The following TENT4B variants were observed in gnomAD, a reference collection of about 807,000 sequenced individuals.
TENT4B encodes the protein terminal nucleotidyltransferase 4B, also known as PAP associated domain containing 5.
In TENT4B, 10 loss-of-function variants were observed where a neutral mutation model predicts 75.0. That is an observed-to-expected ratio of 0.13 (90% CI 0.08 to 0.23). TENT4B has a LOEUF of 0.23. Among genes scored for constraint, TENT4B ranks in the 10% least tolerant of loss-of-function variants. The pLI is 1.00. For synonymous variants in TENT4B, 350 were observed against 357.7 expected (o/e 0.98, Z 0.24); for missense variants, 579 against 893.8 (o/e 0.65, Z 4.49).
chr16:50,158,980 A>T (rs1036115109), intron 1 of TENT4B, among the ~76,000 whole-genome samples: 1 of 152,118 alleles, frequency 6.6e-6, no homozygotes, highest in Non-Finnish European at 1.5e-5. Context: ...GGCCAGAAGG[A>T]CTATTGGTTT....
At chr16:50,229,010 C>T (rs2150753090) in intron 11 of TENT4B, 142 bp from the exon 12 acceptor site, 1 of 1,452,570 alleles carries the variant, frequency 6.9e-7, no homozygotes, top group Non-Finnish European at 9.1e-7. Context: ...TTTTTCTGCC[C>T]ACTAGATAAG....
chr16:50,159,936 C>A (rs868186935), intron 1 of TENT4B, among the ~76,000 whole-genome samples: 1 of 151,742 alleles, frequency 6.6e-6, no homozygotes. Context: ...TCTTGCTATG[C>A]CACCCAGGCT....
At position 50,214,580 on chromosome 16, in the gene TENT4B, C is replaced by T. The variant is rs148033821; in HGVS notation, c.809+313C>T. 9.7e-3 allele frequency among the ~76,000 whole-genome samples: 1,475 copies of T among 152,170 alleles called. 10 individuals are homozygous for T. The highest frequency in any genetic ancestry group is 0.016 in the Admixed American group (239 of 15,274). On this transcript the variant is annotated intron_variant, in intron 3 of 11. Coordinates refer to ENST00000561678, the MANE Select transcript of TENT4B (RefSeq NM_001365324.3). Reference sequence around the variant, plus strand: ...CTGAGGCAGGAGAATTGCTTGAACCCGGGAGGTGAAGGTTGCAGTGAGCCG... The same window carrying T: ...CTGAGGCAGGAGAATTGCTTGAACCTGGGAGGTGAAGGTTGCAGTGAGCCG...
chr16:50,160,934 C>T (rs1010077387), intron 1 of TENT4B, among the ~76,000 whole-genome samples: 1 of 152,138 alleles, frequency 6.6e-6, no homozygotes, highest in South Asian at 2.1e-4. Flanking sequence ...ATAGAGTAAT[C>T]TTGAAGGGGC....
intron 1 of TENT4B, among the ~76,000 whole-genome samples, chr16:50,172,685 TTA>T (rs1157932207): frequency 2.0e-5 from 3 of 152,102 alleles, no homozygotes; most frequent in African/African-American, 7.2e-5. Flanking sequence ...GTAATTTACT[TTA>T]GAGTTCACTC....
At position 50,231,238 on chromosome 16, in the gene TENT4B, T is replaced by G. The variant is rs1412377007; in HGVS notation, c.*1910T>G. The G allele has an allele frequency of 1.0e-6, 1 of 985,258 alleles. No homozygotes were observed. Among genetic ancestry groups the G allele is most frequent in the Admixed American group, 6.2e-5 (1 of 16,258 alleles). 61.0% of individuals were successfully genotyped at this position (985,258 alleles called of 1,614,324 possible). A position where few individuals can be genotyped will look rare whatever the true frequency, so the allele number is the denominator to read the frequency against. On this transcript the variant is annotated 3_prime_UTR_variant, in exon 12 of 12. Coordinates refer to ENST00000561678, the MANE Select transcript of TENT4B (RefSeq NM_001365324.3). ...TCACATTTTATTCTGATCAGAATTT[T>G]TATTGAGATGTTGAGCTTTTGTTTT...
chr16:50,207,154 G>T (rs2031027265), intron 1 of TENT4B, among the ~76,000 whole-genome samples: 1 of 150,786 alleles, frequency 6.6e-6, no homozygotes, highest in African/African-American at 2.4e-5. Flanking sequence ...TTTGTGAACA[G>T]GGATCTTGTT....
chr16:50,199,274 A>G (rs933753949), intron 1 of TENT4B, among the ~76,000 whole-genome samples: 5 of 152,250 alleles, frequency 3.3e-5, no homozygotes, highest in Admixed American at 2.6e-4. Context: ...GGGGCCACGC[A>G]TGGCTGTTCC....
chr16:50,205,168 A>G (rs1171562222), intron 1 of TENT4B, among the ~76,000 whole-genome samples: 1 of 152,106 alleles, frequency 6.6e-6, no homozygotes, highest in Non-Finnish European at 1.5e-5. Context: ...GGATGTGATC[A>G]CTGTTAACAG....
At chr16:50,224,393 T>A (rs940644389) in intron 7 of TENT4B, among the ~76,000 whole-genome samples, 2 of 152,204 alleles carry the variant, frequency 1.3e-5, no homozygotes, top group African/African-American at 4.8e-5. Context: ...ATTTCTTTTG[T>A]TTGCATAACT....
At chr16:50,187,359 G>C (rs1307381388) in intron 1 of TENT4B, among the ~76,000 whole-genome samples, 1 of 152,222 alleles carries the variant, frequency 6.6e-6, no homozygotes, top group African/African-American at 2.4e-5. Context: ...GAGGCGGATG[G>C]ATCACCTGAG....
At chr16:50,178,977 T>C (rs865872657) in intron 1 of TENT4B, among the ~76,000 whole-genome samples, 1 of 152,318 alleles carries the variant, frequency 6.6e-6, no homozygotes, top group South Asian at 2.1e-4. Flanking sequence ...ATGTTACATA[T>C]GTTTTACAAC....
chr16:50,163,288 C>T (rs1226063869), intron 1 of TENT4B, among the ~76,000 whole-genome samples: 1 of 151,888 alleles, frequency 6.6e-6, no homozygotes, highest in Admixed American at 6.6e-5. Context: ...ATTTTAGTGT[C>T]CTTGTTCTTT....
chr16:50,154,359 C>G, intron 1 of TENT4B, 100 bp downstream of exon 1: 4 of 1,341,284 alleles, frequency 3.0e-6, no homozygotes, highest in Non-Finnish European at 3.8e-6. Flanking sequence ...AGCGGCCACC[C>G]CCACGGCCTG....
intron 1 of TENT4B, among the ~76,000 whole-genome samples, chr16:50,197,726 G>A (rs535526147): frequency 1.8e-4 from 28 of 152,344 alleles, no homozygotes; most frequent in African/African-American, 6.3e-4. Flanking sequence ...GAAAACGGAA[G>A]TGAGGTACAG....
At position 50,230,086 on chromosome 16, in the gene TENT4B, G is replaced by T. The variant is rs962847676; in HGVS notation, c.*758G>T. On this transcript the variant is annotated 3_prime_UTR_variant, in exon 12 of 12. Coordinates refer to ENST00000561678, the MANE Select transcript of TENT4B (RefSeq NM_001365324.3). Reference sequence around the variant, plus strand: ...AAAATTTTTCCTCTCTAAAGAAAAGGTTTATGGTGGCAAATGATGTTTATT... The same window carrying T: ...AAAATTTTTCCTCTCTAAAGAAAAGTTTTATGGTGGCAAATGATGTTTATT... 10 of 984,212 alleles carry T rather than the reference G, an allele frequency of 1.0e-5. No individual in the cohort carries two copies. Among genetic ancestry groups the T allele is most frequent in the Non-Finnish European group, 1.2e-5 (10 of 829,468 alleles). 61.0% of individuals were successfully genotyped at this position (984,212 alleles called of 1,614,324 possible). A position where few individuals can be genotyped will look rare whatever the true frequency, so the allele number is the denominator to read the frequency against.
intron 2 of TENT4B, among the ~76,000 whole-genome samples, chr16:50,212,906 C>G (rs1203661583): frequency 1.3e-5 from 2 of 152,106 alleles, no homozygotes; most frequent in African/African-American, 2.4e-5. Context: ...TAACTTAACC[C>G]TTATCTTTCT....
At chr16:50,205,672 T>TCTCTGCCTC (rs1194306472) in intron 1 of TENT4B, among the ~76,000 whole-genome samples, 2 of 140,014 alleles carry the variant, frequency 1.4e-5, no homozygotes, top group African/African-American at 5.2e-5. Context: ...CTTGCTGTGA[T>TCTCTGCCTC]CTCTGCCTCC....
rs1385332995 is a variant in TENT4B at position 50,214,403 on chromosome 16, C to T, written c.809+136C>T. 4.6e-5 allele frequency: 30 copies of T among 657,404 alleles called. 1 individual carries two copies. The highest frequency in any genetic ancestry group is 1.5e-4 in the East Asian group (5 of 33,918). The allele number at this position is 657,404 out of a possible 1,614,324, so 40.7% of individuals were successfully genotyped here. A position where few individuals can be genotyped will look rare whatever the true frequency, so the allele number is the denominator to read the frequency against. Reference sequence around the variant, plus strand: ...GGGCATGGTGGCTCATGCCTGTAATCCTAGCACTTCGGGAGGCCAAGGAGG... The same window carrying T: ...GGGCATGGTGGCTCATGCCTGTAATTCTAGCACTTCGGGAGGCCAAGGAGG... On this transcript the variant is annotated intron_variant, in intron 3 of 11. Coordinates refer to ENST00000561678, the MANE Select transcript of TENT4B (RefSeq NM_001365324.3).
Sources: allele counts gnomAD v4.1 joint callset (sites outside exome capture counted in the v4.1 genomes callset), GRCh38; gene constraint gnomAD v4.1.1; transcripts MANE v1.5; gene names NCBI Gene and HGNC (gene_info 2026-07-23, HGNC 2026-07-21).